The following LIMA1 variants were observed in gnomAD, a reference collection of about 807,000 sequenced individuals.
The protein encoded by LIMA1 is LIM domain and actin-binding protein 1.
A neutral mutation model predicts 62.6 loss-of-function variants in LIMA1; 52 were observed. That is an observed-to-expected ratio of 0.83 (90% confidence interval 0.67 to 1.05). The LOEUF (loss-of-function observed/expected upper bound fraction) is 1.05, where lower values mean the gene tolerates loss of function less well. LIMA1 is among the 50% of genes least tolerant of loss of function. The probability of loss-of-function intolerance (pLI) is 0.00; values close to 1 mark genes in which losing one functional copy is unlikely to be tolerated. For synonymous variants in LIMA1, 302 were observed against 317.8 expected, an observed-to-expected ratio of 0.95 and a Z score of 0.53; for missense variants, 780 against 902.2, an observed-to-expected ratio of 0.86 and a Z score of 1.74.
chr12:50,258,935 C>T (rs975738907), intron 1 of LIMA1, among the ~76,000 whole-genome samples: 4 of 152,008 alleles, frequency 2.6e-5, no homozygotes, highest in East Asian at 3.9e-4. Flanking sequence ...TGTGAGTCAC[C>T]GCGCCCAGCC....
At chr12:50,180,416 A>G (rs1182716577) in intron 10 of LIMA1, among the ~76,000 whole-genome samples, 1 of 152,110 alleles carries the variant, frequency 6.6e-6, no homozygotes, top group African/African-American at 2.4e-5. Context: ...CAAAGGTTGC[A>G]GTGAGCCAGG....
chr12:50,248,504 T>C (rs1056409845), intron 2 of LIMA1, 129 bp downstream of exon 2: 2 of 686,176 alleles, frequency 2.9e-6, no homozygotes, highest in Admixed American at 2.2e-5. Context: ...GTACCTCATA[T>C]AGTGTTTAAA....
intron 1 of LIMA1, among the ~76,000 whole-genome samples, chr12:50,263,044 T>C (rs1440583816): frequency 6.6e-6 from 1 of 152,194 alleles, no homozygotes; most frequent in African/African-American, 2.4e-5. Context: ...ATGCCCATCA[T>C]CTAGGTTCAC....
intron 2 of LIMA1, among the ~76,000 whole-genome samples, chr12:50,234,880 G>A (rs560418884): frequency 2.0e-5 from 3 of 152,116 alleles, no homozygotes; most frequent in African/African-American, 7.2e-5. Flanking sequence ...CAGGTGTGGT[G>A]CACGCCTGCA....
chr12:50,211,266 C>T (rs541740349), intron 4 of LIMA1, among the ~76,000 whole-genome samples: 22 of 147,440 alleles, frequency 1.5e-4, no homozygotes, highest in African/African-American at 4.3e-4. Flanking sequence ...GAGGTTGCAG[C>T]GAGCCAAGAT....
At chr12:50,188,873 G>A (rs1229599275) in intron 9 of LIMA1, 1 of 152,210 alleles carries the variant, frequency 6.6e-6, no homozygotes, top group African/African-American at 2.4e-5. Flanking sequence ...ATTTCCCCAG[G>A]TCCTGGGTTA....
At chr12:50,250,176 T>C (rs1054213916) in intron 1 of LIMA1, among the ~76,000 whole-genome samples, 4 of 149,374 alleles carry the variant, frequency 2.7e-5, no homozygotes, top group Non-Finnish European at 4.4e-5. Flanking sequence ...CGCATGCCTA[T>C]AATCCCAGCG....
chr12:50,208,187 AAAAG>A (rs1941187946), intron 4 of LIMA1, among the ~76,000 whole-genome samples: 1 of 152,098 alleles, frequency 6.6e-6, no homozygotes, highest in Non-Finnish European at 1.5e-5. Context: ...GTCTCTACAA[AAAAG>A]ATACAAAAGT....
At chr12:50,255,558 A>AG (rs1466922968) in intron 1 of LIMA1, among the ~76,000 whole-genome samples, 1 of 151,124 alleles carries the variant, frequency 6.6e-6, no homozygotes, top group Non-Finnish European at 1.5e-5. Flanking sequence ...TCAAAAAAAA[A>AG]AAAAGAAAAG....
chr12:50,273,530 T>G (rs983319867), intron 1 of LIMA1, among the ~76,000 whole-genome samples: 5 of 152,154 alleles, frequency 3.3e-5, no homozygotes, highest in Admixed American at 3.3e-4. Context: ...CAAAGCATTA[T>G]TTTAAATAAA....
At position 50,193,663 on chromosome 12, in the gene LIMA1, TATA is replaced by T. The variant is rs1304750573; in HGVS notation, c.1031-1105_1031-1103del. ...GTGTGTGTGTGTGTATATATATATA[TATA>T]TTTTTTTTTTTTTTTTTTTTCAGAG... On this transcript the variant is annotated intron_variant, in intron 8 of 10. Coordinates refer to ENST00000341247, the MANE Select transcript of LIMA1 (RefSeq NM_016357.5). Among the ~76,000 whole-genome samples, 706 of 74,688 alleles carry T rather than the reference TATA, an allele frequency of 9.5e-3. 19 individuals carry two copies. The highest frequency in any genetic ancestry group is 0.034 in the African/African-American group (633 of 18,608). The allele number at this position is 74,688 out of a possible 152,430, so 49.0% of individuals were successfully genotyped here.
intron 10 of LIMA1, among the ~76,000 whole-genome samples, chr12:50,180,251 C>T (rs1169387388): frequency 1.3e-5 from 2 of 149,668 alleles, no homozygotes; most frequent in African/African-American, 4.9e-5. Context: ...AGTGAGCTGA[C>T]ATCATCCCAC....
chr12:50,240,795 C>T (rs776611637), intron 2 of LIMA1, among the ~76,000 whole-genome samples: 1 of 152,100 alleles, frequency 6.6e-6, no homozygotes, highest in African/African-American at 2.4e-5. Context: ...GTATTAAAGC[C>T]ACAGGAGTAG....
intron 1 of LIMA1, among the ~76,000 whole-genome samples, chr12:50,250,794 T>C (rs1385328828): frequency 1.3e-5 from 2 of 152,148 alleles, no homozygotes; most frequent in Non-Finnish European, 2.9e-5. Context: ...TAAGTGGGAA[T>C]GTTGGCCTCA....
intron 9 of LIMA1, chr12:50,188,791 A>G (rs1420638436): frequency 1.3e-5 from 2 of 152,236 alleles, no homozygotes; most frequent in African/African-American, 4.8e-5. Flanking sequence ...AAGTCTGGCC[A>G]AGCAGTTGAA....
chr12:50,201,217 G>T, intron 6 of LIMA1: 1 of 1,055,072 alleles, frequency 9.5e-7, no homozygotes, highest in Non-Finnish European at 1.1e-6. Context: ...TTGTGGTAAT[G>T]CAAAGCTTGT....
intron 5 of LIMA1, among the ~76,000 whole-genome samples, chr12:50,205,241 CT>C (rs11336583): frequency 0.65 from 90,136 of 139,468 alleles, 30,319 homozygotes; most frequent in East Asian, 0.89. Flanking sequence ...CCACGCTGGG[CT>C]TTTTTTTTTT....
chr12:50,240,673 T>C (rs1321206884), intron 2 of LIMA1, among the ~76,000 whole-genome samples: 1 of 152,134 alleles, frequency 6.6e-6, no homozygotes, highest in Non-Finnish European at 1.5e-5. Context: ...ATGCTAGCCA[T>C]GTTAACTAAA....
chr12:50,231,762 C>T lies in LIMA1; in HGVS notation c.120-52G>A, dbSNP rs550368462. The T allele has an allele frequency of 3.2e-6, 5 of 1,548,928 alleles. No individual in the cohort carries two copies. In the African/African-American group the frequency reaches 6.8e-5, roughly 21 times the overall value. On this transcript the variant is annotated intron_variant, in intron 2 of 10. Coordinates refer to ENST00000341247, the MANE Select transcript of LIMA1 (RefSeq NM_016357.5). Reference sequence around the variant, plus strand: ...CTCAAATTAAACTTATATTTTTACTCTTTCAATTTTTTATCTTTTTTTGAG... The same window carrying T: ...CTCAAATTAAACTTATATTTTTACTTTTTCAATTTTTTATCTTTTTTTGAG...
Sources: gnomAD v4.1 joint callset for allele counts (sites outside exome capture counted in the v4.1 genomes callset) on GRCh38, gnomAD v4.1.1 for gene constraint, MANE v1.5 for transcripts, NCBI Gene and HGNC (gene_info 2026-07-23, HGNC 2026-07-21) for gene names.